The following ARAP2 variants were observed in gnomAD, a reference collection of about 807,000 sequenced individuals.
ARAP2 encodes the protein ArfGAP with RhoGAP domain, ankyrin repeat and PH domain 2.
A neutral mutation model predicts 194.5 loss-of-function variants in ARAP2; 148 were observed. The ratio of observed to expected loss-of-function variants is 0.76; its 90% CI spans 0.67 to 0.87. The LOEUF is 0.87. Among genes scored for constraint, ARAP2 ranks in the 40% least tolerant of loss-of-function variants. ARAP2 has a pLI of 0.00. For missense variants in ARAP2, 2,128 were observed against 1,989.7 expected (o/e 1.07, Z -1.32); for synonymous variants, 695 against 683.5 (o/e 1.02, Z -0.26).
chr4:36,138,612 A>G (rs1047477521), intron 19 of ARAP2, among the ~76,000 whole-genome samples: 29 of 151,714 alleles, frequency 1.9e-4, no homozygotes, highest in African/African-American at 6.8e-4. Context: ...ACATTCACTG[A>G]CTAAAAATCA....
chr4:36,125,117 A>C, intron 21 of ARAP2, 150 bp from the exon 22 acceptor site: 1 of 536,344 alleles, frequency 1.9e-6, no homozygotes. Flanking sequence ...CAAAGTTCTA[A>C]AGTAATTGCC....
chr4:36,150,856 CT>C lies in ARAP2; in HGVS notation c.2897+43del, dbSNP rs748664227. ...AACTCTCATTACCTGTTATAATTAT[CT>C]GAAAATACCTTTTACCTCCTAATTG... On this transcript the variant is annotated intron_variant, in intron 16 of 32. Coordinates refer to ENST00000303965, the MANE Select transcript of ARAP2 (RefSeq NM_015230.4). The C allele has an allele frequency of 1.8e-4, 280 of 1,573,530 alleles. 2 individuals are homozygous for C. The South Asian group carries it at 3.2e-3, about 18-fold the overall frequency.
chr4:36,149,993 A>C (rs1355705727), intron 16 of ARAP2, among the ~76,000 whole-genome samples: 2 of 152,174 alleles, frequency 1.3e-5, no homozygotes, highest in Admixed American at 1.3e-4. Context: ...ACATGATAAG[A>C]CACTTTCACA....
At chr4:36,035,451 C>A (rs537991092) in intron 5 of ARAP2, among the ~76,000 whole-genome samples, 1 of 152,036 alleles carries the variant, frequency 6.6e-6, no homozygotes, top group African/African-American at 2.4e-5. Flanking sequence ...CTGTTTTTAG[C>A]CATTGTGAAA....
chr4:36,193,630 T>C lies in ARAP2; in HGVS notation c.1505A>G (p.Lys502Arg). 1.2e-6 allele frequency: 2 copies of C among 1,603,928 alleles called. No homozygotes were observed. The highest frequency in any genetic ancestry group is 1.7e-6 in the Non-Finnish European group (2 of 1,175,546). ...LSPQGKRMFQ[K>R]RWVKFDGLSI... ...AAGGCCATCAAATTTCACCCATCTC[T>C]TTTGAAACATGCGTTTTCTGCAAAA... Residue 502 changes from lysine (K) to arginine (R), a missense_variant, in exon 7 of 33, where the codon AAG (lysine) becomes AGG (arginine). Physicochemically the swap from Lys to Arg is conservative, Grantham distance 26. Transcript: ENST00000303965.
chr4:36,011,550 A>G (rs150124294), intron 9 of ARAP2, among the ~76,000 whole-genome samples: 198 of 152,290 alleles, frequency 1.3e-3, no homozygotes, highest in African/African-American at 4.6e-3. Context: ...TCTTAGAAAC[A>G]CCCACAGAGC....
intron 27 of ARAP2, among the ~76,000 whole-genome samples, chr4:36,093,736 A>G (rs1449759340): frequency 6.6e-6 from 1 of 152,096 alleles, no homozygotes; most frequent in African/African-American, 2.4e-5. Flanking sequence ...CAGCAAACAT[A>G]ACACCTGACA....
rs1231306958 is a variant in ARAP2 at position 36,210,513 on chromosome 4, G to A, written c.1364C>T (p.Ser455Leu). 1.9e-6 allele frequency: 3 copies of A among 1,613,780 alleles called. No homozygotes were observed. Among genetic ancestry groups the A allele is most frequent in the Non-Finnish European group, 2.5e-6 (3 of 1,179,866 alleles). Residue 455 changes from serine to leucine, a missense_variant, in exon 6 of 33, where the codon TCA becomes TTA. By Grantham distance (145) the Ser-to-Leu change is moderately radical. Transcript: ENST00000303965. Reference sequence around the variant, plus strand: ...TGATGAATCAGCATTTCCACTTGTTGAGCTTAACGGATAACTGTGCCTATT... The same window carrying A: ...TGATGAATCAGCATTTCCACTTGTTAAGCTTAACGGATAACTGTGCCTATT... The part of the protein sequence containing the change: ...SVNRHSYPLS[S>L]TSGNADSSAV...
chr4:36,105,952 A>G (rs571789087), intron 27 of ARAP2, among the ~76,000 whole-genome samples: 1 of 152,000 alleles, frequency 6.6e-6, no homozygotes, highest in African/African-American at 2.4e-5. Flanking sequence ...ATCAGAAGAA[A>G]AGAAACAAAT....
intron 9 of ARAP2, among the ~76,000 whole-genome samples, chr4:36,176,994 C>T (rs775901068): frequency 2.6e-5 from 4 of 151,594 alleles, no homozygotes; most frequent in African/African-American, 4.8e-5. Flanking sequence ...AATTACTAAG[C>T]ATCTAATATA....
chr4:36,135,482 C>A (rs1337093327), intron 19 of ARAP2, among the ~76,000 whole-genome samples: 1 of 151,650 alleles, frequency 6.6e-6, no homozygotes, highest in Non-Finnish European at 1.5e-5. Flanking sequence ...TTTTTGACGT[C>A]TTTATCTATT....
intron 32 of ARAP2, among the ~76,000 whole-genome samples, chr4:36,072,530 G>A (rs1046579874): frequency 4.0e-5 from 6 of 151,890 alleles, no homozygotes; most frequent in South Asian, 2.1e-4. Flanking sequence ...ACTGTAGGGC[G>A]TATCTCTCCC....
chr4:36,132,461 G>C (rs767197854), intron 20 of ARAP2, among the ~76,000 whole-genome samples: 2 of 151,700 alleles, frequency 1.3e-5, no homozygotes, highest in Non-Finnish European at 2.9e-5. Flanking sequence ...TTTATCTACA[G>C]GTTAAAAGGG....
At chr4:36,092,054 T>A in intron 27 of ARAP2, 34 bp from the exon 28 acceptor site, 1 of 1,466,280 alleles carries the variant, frequency 6.8e-7, no homozygotes, top group Non-Finnish European at 9.1e-7. Flanking sequence ...GTGAGTTGGG[T>A]ACGTTTTTAC....
At chr4:36,116,011 C>A (rs980038871) in intron 25 of ARAP2, among the ~76,000 whole-genome samples, 4 of 151,966 alleles carry the variant, frequency 2.6e-5, no homozygotes, top group African/African-American at 9.7e-5. Flanking sequence ...ATACCTTCTC[C>A]AGCATTAGTG....
At position 36,148,429 on chromosome 4, in the gene ARAP2, T is replaced by G. The variant is rs541121230; in HGVS notation, c.2976A>C (p.Arg992Ser). 17 of 1,613,136 alleles carry G rather than the reference T, an allele frequency of 1.1e-5. No individual in the cohort carries two copies. The South Asian group carries it at 1.4e-4, about 14-fold the overall frequency. ...CCTTGGCTATTGCCTCTGTCCATTT[T>G]CTTTGAGCTTGAGATGTTTCAGCTC... ...LFGAETSQAQ[R>S]KWTEAIAKHF... The change falls in exon 17 of 33, where the codon AGA (arginine) becomes AGC (serine). Residue 992 changes from arginine to serine, a missense_variant. Physicochemically the swap from Arg to Ser is moderately radical, Grantham distance 110. Coordinates refer to ENST00000303965, the MANE Select transcript of ARAP2 (RefSeq NM_015230.4).
chr4:36,068,490 T>C (rs1379939606), intron 32 of ARAP2, among the ~76,000 whole-genome samples: 3 of 152,214 alleles, frequency 2.0e-5, no homozygotes, highest in African/African-American at 7.2e-5. Flanking sequence ...TGGCTTACAA[T>C]GCCTCAATAC....
intron 21 of ARAP2, among the ~76,000 whole-genome samples, chr4:36,127,861 G>T (rs1481668533): frequency 6.6e-6 from 1 of 151,838 alleles, no homozygotes; most frequent in African/African-American, 2.4e-5. Context: ...TAAAAAGGTG[G>T]AATGAAAGGC....
chr4:36,031,656 G>A (rs1718970193), intron 5 of ARAP2, among the ~76,000 whole-genome samples: 1 of 140,324 alleles, frequency 7.1e-6, no homozygotes, highest in Non-Finnish European at 1.5e-5. Context: ...TTCATGATAG[G>A]ATTTAAAATC....
Sources: allele counts gnomAD v4.1 joint callset (sites outside exome capture counted in the v4.1 genomes callset), GRCh38; gene constraint gnomAD v4.1.1; transcripts MANE v1.5; gene names NCBI Gene and HGNC (gene_info 2026-07-23, HGNC 2026-07-21).